Variants in KAT6A observed in about 807,000 individuals in gnomAD.
KAT6A encodes histone acetyltransferase KAT6A.
A neutral mutation model predicts 198.4 loss-of-function variants in KAT6A; 9 were observed. The ratio of observed to expected loss-of-function variants is 0.05; its 90% CI spans 0.03 to 0.08. KAT6A has a LOEUF of 0.08. Ranked by LOEUF, KAT6A falls within the 10% of genes least tolerant of loss-of-function variation. The pLI is 1.00. For missense variants in KAT6A, 2,077 were observed against 2,509.9 expected, an observed-to-expected ratio of 0.83 and a Z score of 3.69; for synonymous variants, 890 against 883.0, an observed-to-expected ratio of 1.01 and a Z score of -0.14.
intron 8 of KAT6A, among the ~76,000 whole-genome samples, chr8:41,956,083 G>A (rs762849728): frequency 1.3e-5 from 2 of 152,016 alleles, no homozygotes; most frequent in Admixed American, 1.3e-4. Flanking sequence ...CCTCATCCCT[G>A]CAATAGTCTG....
At chr8:41,943,085 C>T (rs899617476) in intron 13 of KAT6A, 85 bp from the exon 14 acceptor site, 1 of 1,543,062 alleles carries the variant, frequency 6.5e-7, no homozygotes, top group East Asian at 2.3e-5. Context: ...CCTGGTGAAG[C>T]ATGTAAGATG....
intron 2 of KAT6A, among the ~76,000 whole-genome samples, chr8:42,023,165 A>C (rs1350573957): frequency 6.6e-6 from 1 of 152,190 alleles, no homozygotes; most frequent in East Asian, 1.9e-4. Context: ...ACAATATATA[A>C]GATTTTTTTA....
Position 41,932,500 on chromosome 8 carries a change from G to C in KAT6A, c.5720C>G (p.Pro1907Arg), listed in dbSNP as rs1299590085. ...ATTCATGGAATTGACATTATAGGCG[G>C]GAGTAGGCATCAGATTAACCCCCAT... ...MNMGVNLMPTPAYNVNSMNMN... is the reference protein window; with the variant it reads ...MNMGVNLMPTRAYNVNSMNMN... Residue 1907 changes from proline (P) to arginine (R), a missense_variant, in exon 17 of 17, where the codon CCC becomes CGC. Coordinates refer to ENST00000265713, the MANE Select transcript of KAT6A (RefSeq NM_006766.5). 1 of 1,614,252 alleles carries C rather than the reference G, an allele frequency of 6.2e-7. No individual in the cohort carries two copies. Among genetic ancestry groups the C allele is most frequent in the Admixed American group, 1.7e-5 (1 of 60,022 alleles).
rs202195747 is a variant in KAT6A at position 41,933,497 on chromosome 8, C to T, written c.4723G>A (p.Gly1575Ser). The part of the protein sequence containing the change: ...NPSSYDSTMG[G>S]SICGNSSSQS... ...GAAGAGCTGTTCCCACAGATGCTGCCGCCCATCGTGGAGTCGTAACTGCTT... is the reference window on the plus strand; with the variant it reads ...GAAGAGCTGTTCCCACAGATGCTGCTGCCCATCGTGGAGTCGTAACTGCTT... The change falls in exon 17 of 17, where the codon GGC becomes AGC. Residue 1575 changes from glycine (G) to serine (S), a missense_variant. Coordinates refer to ENST00000265713, the MANE Select transcript of KAT6A (RefSeq NM_006766.5). This position sits in a 1 kb window ranked among gnomAD's most constrained non-coding sequence, Gnocchi z 6.2. 4.6e-5 allele frequency: 74 copies of T among 1,613,546 alleles called. No individual in the cohort carries two copies. Among genetic ancestry groups the T allele is most frequent in the Middle Eastern group, 1.6e-4 (1 of 6,082 alleles).
rs1392351208 is a variant in KAT6A, at chr8:41,934,649, G to A, written c.3571C>T (p.Pro1191Ser). ...CCAGCTTTAGGAATGGAAACGATGG[G>A]CTCAATGACGCATGCTTGAGTAGAA... is the stretch of plus-strand genomic sequence containing the variant. ...PVSTQACVIE[P>S]IVSIPKAGRK... The change falls in exon 17 of 17, where the codon CCC (proline) becomes TCC (serine). Residue 1191 changes from proline (P) to serine (S), a missense_variant. Pro to Ser is a moderately conservative substitution (Grantham distance 74). Coordinates refer to ENST00000265713, the MANE Select transcript of KAT6A (RefSeq NM_006766.5). 1.6e-5 allele frequency: 26 copies of A among 1,613,998 alleles called. No homozygotes were observed. Among genetic ancestry groups the A allele is most frequent in the Non-Finnish European group, 2.2e-5 (26 of 1,180,042 alleles).
intron 2 of KAT6A, among the ~76,000 whole-genome samples, chr8:42,012,511 G>A (rs1826072061): frequency 6.6e-6 from 1 of 152,194 alleles, no homozygotes; most frequent in African/African-American, 2.4e-5. Context: ...TGAAGAGGCA[G>A]AGATGGGAGT....
intron 2 of KAT6A, among the ~76,000 whole-genome samples, chr8:41,999,302 T>C (rs1270907509): frequency 6.6e-6 from 1 of 152,236 alleles, no homozygotes; most frequent in East Asian, 1.9e-4. Context: ...CTCCACTTTC[T>C]ATTTGTCAGT....
rs1233688191 is a variant in KAT6A, at chr8:41,984,574, C to G, written c.710-2620G>C. Among the ~76,000 whole-genome samples the G allele has an allele frequency of 3.9e-5, 6 of 152,270 alleles. No homozygotes were observed. In the East Asian group the frequency reaches 1.2e-3, roughly 29 times the overall value. On this transcript the variant is annotated intron_variant, in intron 3 of 16. Transcript: ENST00000265713. ...CTCCCAAATTCCTGACCTACAGAAACAGTATGAAGTAAAAAATGTTTTGTT... is the reference window on the plus strand; with the variant it reads ...CTCCCAAATTCCTGACCTACAGAAAGAGTATGAAGTAAAAAATGTTTTGTT...
At chr8:41,968,315 G>GAC (rs1374468284) in intron 8 of KAT6A, among the ~76,000 whole-genome samples, 5 of 152,044 alleles carry the variant, frequency 3.3e-5, no homozygotes, top group African/African-American at 1.2e-4. Context: ...GTGGGCAAAG[G>GAC]ACATGAACAG....
intron 8 of KAT6A, among the ~76,000 whole-genome samples, chr8:41,973,228 A>ATT (rs781037656): frequency 2.1e-5 from 3 of 144,980 alleles, no homozygotes; most frequent in Admixed American, 6.9e-5. Context: ...CAGCCTTAGA[A>ATT]TTTTTTTTTT....
At chr8:41,999,643 C>A (rs1209157461) in intron 2 of KAT6A, among the ~76,000 whole-genome samples, 1 of 152,168 alleles carries the variant, frequency 6.6e-6, no homozygotes, top group African/African-American at 2.4e-5. Context: ...TACTAAACTA[C>A]CTTTCTCACT....
intron 2 of KAT6A, among the ~76,000 whole-genome samples, chr8:42,023,979 C>T (rs1279496722): frequency 6.6e-6 from 1 of 152,122 alleles, no homozygotes; most frequent in East Asian, 1.9e-4. Flanking sequence ...GGTGATACCA[C>T]ATATGGAGCT....
intron 2 of KAT6A, among the ~76,000 whole-genome samples, chr8:42,016,286 A>G (rs1476051635): frequency 2.0e-5 from 3 of 152,212 alleles, no homozygotes; most frequent in Admixed American, 6.5e-5. Flanking sequence ...CTGCGTGCCA[A>G]GGAAGCAATT....
intron 2 of KAT6A, among the ~76,000 whole-genome samples, chr8:41,995,863 C>A (rs1216478211): frequency 6.6e-6 from 1 of 151,716 alleles, no homozygotes; most frequent in Admixed American, 6.6e-5. Context: ...TTAGTTGAGA[C>A]GGGGGTTTCA....
At chr8:42,037,406 GT>G (rs1452046876) in intron 2 of KAT6A, among the ~76,000 whole-genome samples, 1 of 152,138 alleles carries the variant, frequency 6.6e-6, no homozygotes, top group Non-Finnish European at 1.5e-5. Context: ...CACAAAAATA[GT>G]AATAATGTTT....
chr8:41,974,761 T>C lies in KAT6A; in HGVS notation c.1425A>G (p.Glu475=). The change falls in exon 8 of 17, where the codon GAA becomes GAG. Residue 475 remains glutamate, a synonymous_variant. Coordinates refer to ENST00000265713, the MANE Select transcript of KAT6A (RefSeq NM_006766.5). ...ENEERLFGSQ[E]IMTEKDMELF... ...ATTCCATATCTTTCTCAGTCATGATTTCCTGGCTCCCAAAAAGTCGCTCCT... is the reference window on the plus strand; with the variant it reads ...ATTCCATATCTTTCTCAGTCATGATCTCCTGGCTCCCAAAAAGTCGCTCCT... 6.2e-7 allele frequency: 1 copy of C among 1,610,768 alleles called. No individual in the cohort carries two copies. Among genetic ancestry groups the C allele is most frequent in the Admixed American group, 1.7e-5 (1 of 59,518 alleles).
intron 2 of KAT6A, among the ~76,000 whole-genome samples, chr8:42,011,886 AAAG>A (rs1826036360): frequency 6.6e-6 from 1 of 151,956 alleles, no homozygotes; most frequent in Non-Finnish European, 1.5e-5. Flanking sequence ...GTGGGGAAAA[AAAG>A]AAGAGGAAAA....
chr8:41,936,685 G>T (rs1821870825), intron 16 of KAT6A, among the ~76,000 whole-genome samples: 1 of 152,200 alleles, frequency 6.6e-6, no homozygotes, highest in African/African-American at 2.4e-5. Context: ...TTGAGTTATT[G>T]TTACCATTTG....
intron 2 of KAT6A, among the ~76,000 whole-genome samples, chr8:42,038,698 C>T (rs905619005): frequency 8.5e-5 from 13 of 152,212 alleles, no homozygotes; most frequent in Non-Finnish European, 1.6e-4. Context: ...AAGATTGCTA[C>T]TGGCTGAACA....
Sources: allele counts gnomAD v4.1 joint callset (sites outside exome capture counted in the v4.1 genomes callset), GRCh38; gene constraint gnomAD v4.1.1; non-coding constraint Gnocchi (gnomAD v3.1); transcripts MANE v1.5; gene names NCBI Gene and HGNC (gene_info 2026-07-23, HGNC 2026-07-21).